Variants in NOVA1 observed in about 807,000 individuals in gnomAD.
NOVA1 encodes RNA-binding protein Nova-1.
NOVA1 carries 7 observed loss-of-function variants against 38.0 expected under a neutral mutation model. That is an observed-to-expected ratio of 0.18 (90% confidence interval 0.10 to 0.35). The LOEUF (loss-of-function observed/expected upper bound fraction) is 0.35. Among genes scored for constraint, NOVA1 ranks in the 10% least tolerant of loss-of-function variants. The pLI, the probability that NOVA1 is intolerant of heterozygous loss-of-function variation, is 1.00. For missense variants in NOVA1, 460 were observed against 616.0 expected, an observed-to-expected ratio of 0.75 and a Z score of 2.68; for synonymous variants, 270 against 232.5, an observed-to-expected ratio of 1.16 and a Z score of -1.47.
In NOVA1 at chr14:26,448,712, A is replaced by G. The variant is rs1292043724; in HGVS notation, c.771T>C (p.Asn257=). 16 of 1,614,102 alleles carry G rather than the reference A, an allele frequency of 9.9e-6. No homozygotes were observed. Among genetic ancestry groups the G allele is most frequent in the Non-Finnish European group, 1.4e-5 (16 of 1,180,046 alleles). Residue 257 remains asparagine, a synonymous_variant, in exon 5 of 5, where the codon AAT becomes AAC. Coordinates refer to ENST00000539517, the MANE Select transcript of NOVA1 (RefSeq NM_002515.3). This position sits in a 1 kb window ranked among gnomAD's most constrained non-coding sequence, Gnocchi z 5.3. ...TGGAATTTGCCACTGGACCTGTCAC[A>G]TTGGCATAACTGATATTGAGACAGC... ...SGSCLNISYA[N]VTGPVANSNP...
Position 26,472,861 on chromosome 14 carries a change from T to C in NOVA1, c.448-470A>G, listed in dbSNP as rs80069309. Among the ~76,000 whole-genome samples the C allele has an allele frequency of 1.4e-3, 208 of 152,208 alleles. 1 individual carries two copies. Among genetic ancestry groups the C allele is most frequent in the African/African-American group, 4.5e-3 (189 of 41,582 alleles). On this transcript the variant is annotated intron_variant, in intron 3 of 4. Transcript: ENST00000539517. ...TAAAATTATCCACCTACTTAATATG[T>C]TGAACATCACCAACAAGTTGATTCC... is the stretch of plus-strand genomic sequence containing the variant.
At chr14:26,453,318 C>T (rs1001360219) in intron 4 of NOVA1, among the ~76,000 whole-genome samples, 1 of 151,990 alleles carries the variant, frequency 6.6e-6, no homozygotes, top group Non-Finnish European at 1.5e-5. Flanking sequence ...AGCGATCCAC[C>T]TGGTTCAGCC....
chr14:26,570,330 G>C (rs551964448), intron 2 of NOVA1, among the ~76,000 whole-genome samples: 1 of 151,878 alleles, frequency 6.6e-6, no homozygotes, highest in African/African-American at 2.4e-5. Context: ...CTGGGCAACG[G>C]AGTGAGACTC....
chr14:26,579,016 GTTTC>G (rs1208261845), intron 2 of NOVA1, among the ~76,000 whole-genome samples: 1 of 114,906 alleles, frequency 8.7e-6, no homozygotes, highest in African/African-American at 3.1e-5. Context: ...AAGTTTCTCA[GTTTC>G]TTTATTTTTT....
chr14:26,576,465 A>G (rs1429865613), intron 2 of NOVA1, among the ~76,000 whole-genome samples: 1 of 151,758 alleles, frequency 6.6e-6, no homozygotes, highest in African/African-American at 2.4e-5. Context: ...TTTACAGGCA[A>G]ATATTGACCA....
intron 2 of NOVA1, among the ~76,000 whole-genome samples, chr14:26,542,751 AGT>A (rs1890548398): frequency 7.3e-6 from 1 of 137,552 alleles, no homozygotes. Flanking sequence ...AAAAAAAAAA[AGT>A]AGTAATGGGG....
chr14:26,587,308 T>TAAAAAA (rs34853058), intron 2 of NOVA1, among the ~76,000 whole-genome samples: 1 of 123,694 alleles, frequency 8.1e-6, no homozygotes, highest in African/African-American at 3.5e-5. Flanking sequence ...CTAAAATATA[T>TAAAAAA]AAAAAAAAAA....
chr14:26,458,204 G>C (rs1883340158), intron 4 of NOVA1, among the ~76,000 whole-genome samples: 1 of 152,008 alleles, frequency 6.6e-6, no homozygotes, highest in African/African-American at 2.4e-5. Context: ...ACAGAGAAAA[G>C]GGAACATTTA....
intron 2 of NOVA1, among the ~76,000 whole-genome samples, chr14:26,570,655 A>G (rs1182347992): frequency 6.6e-6 from 1 of 152,232 alleles, no homozygotes; most frequent in East Asian, 1.9e-4. Context: ...ACCAATAGAT[A>G]AAAGTTGCAG....
intron 2 of NOVA1, among the ~76,000 whole-genome samples, chr14:26,554,974 A>G (rs1430860778): frequency 6.6e-6 from 1 of 152,174 alleles, no homozygotes; most frequent in East Asian, 1.9e-4. Context: ...GTGCATTTGT[A>G]GAAAATACTA....
intron 3 of NOVA1, among the ~76,000 whole-genome samples, chr14:26,478,275 T>C (rs1480513417): frequency 6.6e-6 from 1 of 151,956 alleles, no homozygotes; most frequent in Non-Finnish European, 1.5e-5. Context: ...GACCATTATT[T>C]GGTGGTATGA....
intron 2 of NOVA1, among the ~76,000 whole-genome samples, chr14:26,505,092 G>T (rs1887543732): frequency 6.6e-6 from 1 of 151,932 alleles, no homozygotes; most frequent in South Asian, 2.1e-4. Context: ...ATTCAGATAG[G>T]TAAAAAATGA....
chr14:26,530,028 T>C (rs1203896157), intron 2 of NOVA1, among the ~76,000 whole-genome samples: 1 of 152,154 alleles, frequency 6.6e-6, no homozygotes, highest in Non-Finnish European at 1.5e-5. Context: ...CACGCCATTC[T>C]CCTGCCTCAG....
At chr14:26,577,088 A>C (rs1272018510) in intron 2 of NOVA1, among the ~76,000 whole-genome samples, 2 of 152,058 alleles carry the variant, frequency 1.3e-5, no homozygotes, top group East Asian at 3.8e-4. Context: ...TCCACATACA[A>C]ATAAGGTCAC....
intron 2 of NOVA1, among the ~76,000 whole-genome samples, chr14:26,541,113 G>C (rs972223539): frequency 1.3e-5 from 2 of 152,110 alleles, no homozygotes; most frequent in African/African-American, 4.8e-5. Flanking sequence ...AGAATGATTG[G>C]GGTTGGAAGG....
chr14:26,489,877 T>G (rs1420540116), intron 2 of NOVA1, among the ~76,000 whole-genome samples: 1 of 152,140 alleles, frequency 6.6e-6, no homozygotes, highest in Admixed American at 6.5e-5. Flanking sequence ...CATACAAAAC[T>G]GGTCCTTTTA....
intron 4 of NOVA1, among the ~76,000 whole-genome samples, chr14:26,468,178 G>A (rs1884293681): frequency 6.6e-6 from 1 of 152,148 alleles, no homozygotes; most frequent in Non-Finnish European, 1.5e-5. Flanking sequence ...GGCCTTGCAA[G>A]AAGCAAACAG....
chr14:26,525,543 A>G (rs1352636163), intron 2 of NOVA1, among the ~76,000 whole-genome samples: 1 of 152,162 alleles, frequency 6.6e-6, no homozygotes, highest in Non-Finnish European at 1.5e-5. Context: ...TCTGAAAGTT[A>G]TTTATGAACT....
chr14:26,594,299 C>G (rs1245912167), intron 2 of NOVA1: 1 of 151,848 alleles, frequency 6.6e-6, no homozygotes, highest in Non-Finnish European at 1.5e-5. Context: ...TATAATGGTC[C>G]ATTTCTAATA....
Sources: allele counts gnomAD v4.1 joint callset (sites outside exome capture counted in the v4.1 genomes callset), GRCh38; gene constraint gnomAD v4.1.1; non-coding constraint Gnocchi (gnomAD v3.1); transcripts MANE v1.5; gene names NCBI Gene and HGNC (gene_info 2026-07-23, HGNC 2026-07-21).